The following GPR161 variants were observed in gnomAD, a reference collection of about 807,000 sequenced individuals.
The protein encoded by GPR161 is G protein-coupled receptor 161.
GPR161 carries 25 observed loss-of-function variants against 39.2 expected under a neutral mutation model. The observed-to-expected ratio is 0.64, with a 90% confidence interval of 0.47 to 0.89. The LOEUF (loss-of-function observed/expected upper bound fraction) is 0.89, where lower values mean the gene tolerates loss of function less well. GPR161 is among the 40% of genes least tolerant of loss of function. GPR161 has a pLI of 0.00. For synonymous variants in GPR161, 286 were observed against 276.6 expected, an observed-to-expected ratio of 1.03 and a Z score of -0.34; for missense variants, 547 against 677.8, an observed-to-expected ratio of 0.81 and a Z score of 2.14.
At chr1:168,107,181 C>A (rs545019969) in intron 1 of GPR161, among the ~76,000 whole-genome samples, 34 of 151,596 alleles carry the variant, frequency 2.2e-4, no homozygotes, top group Admixed American at 5.9e-4. Flanking sequence ...AGATAAAAAG[C>A]TAATCATCCT....
At chr1:168,104,144 A>G (rs1270392698) in intron 2 of GPR161, among the ~76,000 whole-genome samples, 1 of 152,210 alleles carries the variant, frequency 6.6e-6, no homozygotes, top group Non-Finnish European at 1.5e-5. Context: ...AGAGAAGCAG[A>G]GTCAGAGGCC....
At chr1:168,136,414 G>A in intron 1 of GPR161, 1 of 1,361,880 alleles carries the variant, frequency 7.3e-7, no homozygotes, top group Non-Finnish European at 9.5e-7. Context: ...ACTGTTTAGG[G>A]GCTTCGGGCG....
chr1:168,104,948 G>A (rs148911880), intron 1 of GPR161, 54 bp from the exon 2 acceptor site: 114 of 1,391,600 alleles, frequency 8.2e-5, no homozygotes, highest in Non-Finnish European at 1.0e-4. Flanking sequence ...AAATCACATC[G>A]TCTCCACCTT....
At chr1:168,108,617 AAGAG>A (rs200082292) in intron 1 of GPR161, among the ~76,000 whole-genome samples, 4 of 151,574 alleles carry the variant, frequency 2.6e-5, no homozygotes, top group Non-Finnish European at 4.4e-5. Flanking sequence ...ATCAGAAATT[AAGAG>A]AGAGAGAAGT....
At chr1:168,094,515 C>T (rs561151619) in intron 3 of GPR161, among the ~76,000 whole-genome samples, 4 of 152,266 alleles carry the variant, frequency 2.6e-5, no homozygotes, top group East Asian at 1.9e-4. Flanking sequence ...TCCATCAGCC[C>T]GTGAAATAAA....
At chr1:168,136,979 G>T, upstream of GPR161, 1 of 741,174 alleles carries the variant, frequency 1.3e-6, no homozygotes, top group African/African-American at 3.1e-5. Flanking sequence ...GCCCGGCCGG[G>T]CCCCTCCGGC....
At chr1:168,128,113 G>A (rs907414336) in intron 1 of GPR161, among the ~76,000 whole-genome samples, 15 of 152,176 alleles carry the variant, frequency 9.9e-5, no homozygotes, top group Non-Finnish European at 1.6e-4. Context: ...CTGTGGGGCT[G>A]ATATTCCATG....
intron 1 of GPR161, among the ~76,000 whole-genome samples, chr1:168,122,374 C>T (rs1006517043): frequency 6.6e-6 from 1 of 152,192 alleles, no homozygotes; most frequent in Non-Finnish European, 1.5e-5. Context: ...ATTATATCTT[C>T]TCTGGATTAT....
At chr1:168,122,036 A>T (rs1012274885) in intron 1 of GPR161, among the ~76,000 whole-genome samples, 16 of 152,214 alleles carry the variant, frequency 1.1e-4, no homozygotes, top group Non-Finnish European at 1.9e-4. Flanking sequence ...GATGGAGAGA[A>T]GCCAGTGCCA....
intron 1 of GPR161, among the ~76,000 whole-genome samples, chr1:168,116,345 T>G (rs886875474): frequency 2.6e-5 from 4 of 152,076 alleles, no homozygotes; most frequent in African/African-American, 9.7e-5. Context: ...TGAGGAAAAT[T>G]CCTAAACACC....
intron 1 of GPR161, among the ~76,000 whole-genome samples, chr1:168,122,515 T>C (rs1470930636): frequency 1.3e-5 from 2 of 152,282 alleles, no homozygotes; most frequent in South Asian, 2.1e-4. Context: ...AAGATTCCCA[T>C]GTCACACAGA....
chr1:168,115,930 C>T (rs1233344469), intron 1 of GPR161, among the ~76,000 whole-genome samples: 2 of 152,118 alleles, frequency 1.3e-5, no homozygotes, highest in African/African-American at 2.4e-5. Context: ...CGCCCGCCAC[C>T]ACGCCCGGCT....
At chr1:168,093,967 G>T (rs978823879) in intron 3 of GPR161, among the ~76,000 whole-genome samples, 1 of 133,014 alleles carries the variant, frequency 7.5e-6, no homozygotes, top group Non-Finnish European at 1.6e-5. Context: ...CCATTCCTCG[G>T]AAAGACCAAT....
At chr1:168,090,250 G>A (rs1356977404) in intron 4 of GPR161, among the ~76,000 whole-genome samples, 1 of 152,156 alleles carries the variant, frequency 6.6e-6, no homozygotes. Context: ...TGGGTCAGTG[G>A]TTATTATCAT....
rs1694402513 is a variant in GPR161, at chr1:168,085,602, T to TG, written c.1518_1519insC (p.Thr507HisfsTer35). Reference sequence around the variant, plus strand: ...AACTGCAGCCTCTGGCTCACAAGAGTTCTGCTGCCTCGGCGGCCCCCGAAG... The same window carrying TG: ...AACTGCAGCCTCTGGCTCACAAGAGTGTCTGCTGCCTCGGCGGCCCCCGAAG... On this transcript the variant is annotated frameshift_variant, in exon 6 of 6. Transcript: ENST00000682931. LOFTEE classifies it low-confidence loss of function (END_TRUNC). 6.2e-7 allele frequency: 1 copy of TG among 1,613,826 alleles called. No individual in the cohort carries two copies. The highest frequency in any genetic ancestry group is 8.5e-7 in the Non-Finnish European group (1 of 1,179,992).
upstream of GPR161, chr1:168,137,659 A>G (rs1290019427): frequency 1.1e-5 from 6 of 568,312 alleles, no homozygotes; most frequent in East Asian, 1.5e-4. Context: ...CTCACTCCCC[A>G]CTTTGCCTGC....
At position 168,084,833 on chromosome 1, in the gene GPR161, T is replaced by C. The variant is rs1694318861; in HGVS notation, c.*698A>G. 1 of 456,178 alleles carries C rather than the reference T, an allele frequency of 2.2e-6. No individual in the cohort carries two copies. Among genetic ancestry groups the C allele is most frequent in the Non-Finnish European group, 4.4e-6 (1 of 226,974 alleles). 28.3% of individuals were successfully genotyped at this position (456,178 alleles called of 1,614,324 possible). ...CCTTCCTCTTGTCTTTTATAGTGGT[T>C]TCTCCCTTTTGAAATACCAAAGAAC... is the stretch of plus-strand genomic sequence containing the variant. On this transcript the variant is annotated 3_prime_UTR_variant, in exon 6 of 6. Transcript: ENST00000682931.
intron 1 of GPR161, among the ~76,000 whole-genome samples, chr1:168,131,537 G>T (rs1271175047): frequency 6.6e-6 from 1 of 151,902 alleles, no homozygotes; most frequent in Non-Finnish European, 1.5e-5. Context: ...AATATAGATT[G>T]GTTAAAGTGA....
rs147361666 is a variant in GPR161 at position 168,087,488 on chromosome 1, A to G, written c.1324+97T>C. The G allele has an allele frequency of 7.1e-3, 9,949 of 1,395,564 alleles. 50 individuals are homozygous for G. The highest frequency in any genetic ancestry group is 8.5e-3 in the Non-Finnish European group (8,371 of 987,022). The allele number at this position is 1,395,564 out of a possible 1,614,324, so 86.4% of individuals were successfully genotyped here. On this transcript the variant is annotated intron_variant, in intron 5 of 5. Transcript: ENST00000682931. ...GTGAGCAAAGGGATGGAGCCCTGAT[A>G]TATTCCGGGATGGGAGCCAGCCTGA...
Sources: allele counts gnomAD v4.1 joint callset (sites outside exome capture counted in the v4.1 genomes callset), GRCh38; gene constraint gnomAD v4.1.1; transcripts MANE v1.5; gene names NCBI Gene and HGNC (gene_info 2026-07-23, HGNC 2026-07-21).